Variants in PPP3CA observed in about 807,000 individuals in gnomAD.
PPP3CA encodes CAM-PRP catalytic subunit.
Under a neutral mutation model 66.5 loss-of-function variants are expected in PPP3CA, and 14 were observed. That is an observed-to-expected ratio of 0.21 (90% CI 0.14 to 0.33). The LOEUF is 0.33. Ranked by LOEUF, PPP3CA falls within the 10% of genes least tolerant of loss-of-function variation. The pLI, the probability that PPP3CA is intolerant of heterozygous loss-of-function variation, is 1.00. For missense variants in PPP3CA, 317 were observed against 639.5 expected (o/e 0.50, Z 5.44); for synonymous variants, 232 against 226.2 (o/e 1.03, Z -0.23).
chr4:101,324,123 A>AAAGAAAGGG (rs1729124727), intron 1 of PPP3CA, among the ~76,000 whole-genome samples: 1 of 137,536 alleles, frequency 7.3e-6, no homozygotes, highest in Admixed American at 7.0e-5. Flanking sequence ...AAAAGAAAAG[A>AAAGAAAGGG]AAGGAAGGGA....
intron 1 of PPP3CA, among the ~76,000 whole-genome samples, chr4:101,226,202 C>G (rs1725777348): frequency 6.6e-6 from 1 of 151,702 alleles, no homozygotes; most frequent in African/African-American, 2.4e-5. Context: ...ATTCAGGACT[C>G]CAGGCTTCTT....
chr4:101,283,989 T>C (rs1727761409), intron 1 of PPP3CA, among the ~76,000 whole-genome samples: 1 of 152,238 alleles, frequency 6.6e-6, no homozygotes, highest in Admixed American at 6.5e-5. Flanking sequence ...AGTCTTGTAG[T>C]TGAACTAGAC....
chr4:101,292,932 T>C (rs1728077855), intron 1 of PPP3CA, among the ~76,000 whole-genome samples: 1 of 152,252 alleles, frequency 6.6e-6, no homozygotes, highest in Non-Finnish European at 1.5e-5. Flanking sequence ...TTATTTTCTA[T>C]TTCCAAACCT....
At chr4:101,296,130 C>G (rs556344831) in intron 1 of PPP3CA, among the ~76,000 whole-genome samples, 1 of 152,162 alleles carries the variant, frequency 6.6e-6, no homozygotes, top group East Asian at 1.9e-4. Flanking sequence ...AAACATGTTC[C>G]TAAATGGTAG....
chr4:101,239,548 C>A (rs188088964), intron 1 of PPP3CA, among the ~76,000 whole-genome samples: 3 of 152,054 alleles, frequency 2.0e-5, no homozygotes, highest in African/African-American at 7.2e-5. Context: ...CAAGAAGAAT[C>A]CACACACACC....
At chr4:101,217,968 A>T (rs1310638158) in intron 1 of PPP3CA, among the ~76,000 whole-genome samples, 1 of 152,124 alleles carries the variant, frequency 6.6e-6, no homozygotes, top group Non-Finnish European at 1.5e-5. Flanking sequence ...CTCAAGGGAC[A>T]CATATCATAA....
At chr4:101,282,641 T>C (rs549787943) in intron 1 of PPP3CA, among the ~76,000 whole-genome samples, 38 of 152,204 alleles carry the variant, frequency 2.5e-4, no homozygotes, top group Middle Eastern at 3.4e-3. Flanking sequence ...CTATTGTCAA[T>C]AGATGTCCAA....
chr4:101,187,014 T>C (rs972505734), intron 2 of PPP3CA, among the ~76,000 whole-genome samples: 1 of 152,140 alleles, frequency 6.6e-6, no homozygotes, highest in African/African-American at 2.4e-5. Flanking sequence ...CTAACACCAC[T>C]GAATAGATAG....
intron 11 of PPP3CA, among the ~76,000 whole-genome samples, chr4:101,033,292 AAACACACACACACACACACACACACAC>A (rs1727088793): frequency 1.1e-5 from 1 of 88,102 alleles, no homozygotes; most frequent in African/African-American, 4.2e-5. Context: ...ACACACACAC[AAACACACACACACACACACACACACAC>A]ACACACACAC....
chr4:101,224,109 G>T (rs1364827674), intron 1 of PPP3CA, among the ~76,000 whole-genome samples: 3 of 151,624 alleles, frequency 2.0e-5, no homozygotes, highest in African/African-American at 7.3e-5. Flanking sequence ...ACTCATGTTG[G>T]GTGACCACAA....
intron 5 of PPP3CA, among the ~76,000 whole-genome samples, chr4:101,095,762 C>T (rs146107785): frequency 4.8e-4 from 73 of 152,304 alleles, no homozygotes; most frequent in African/African-American, 1.7e-3. Flanking sequence ...AGAAATTCTC[C>T]TGCCTCAGAC....
At chr4:101,312,288 A>G (rs76710954) in intron 1 of PPP3CA, among the ~76,000 whole-genome samples, 37 of 152,318 alleles carry the variant, frequency 2.4e-4, no homozygotes, top group African/African-American at 7.7e-4. Context: ...TCCTCTACTT[A>G]CAATGACATT....
intron 8 of PPP3CA, among the ~76,000 whole-genome samples, chr4:101,077,057 A>C (rs1385062502): frequency 1.3e-5 from 2 of 152,224 alleles, no homozygotes; most frequent in African/African-American, 4.8e-5. Context: ...ACAGGCAGGA[A>C]GACAGTGCAG....
intron 2 of PPP3CA, among the ~76,000 whole-genome samples, chr4:101,154,117 T>C (rs1190111957): frequency 2.0e-5 from 3 of 152,210 alleles, no homozygotes; most frequent in Non-Finnish European, 4.4e-5. Context: ...GTCATCCTTA[T>C]GAACACTGCT....
chr4:101,122,762 T>A (rs1165979123), intron 2 of PPP3CA, among the ~76,000 whole-genome samples: 1 of 152,140 alleles, frequency 6.6e-6, no homozygotes, highest in Non-Finnish European at 1.5e-5. Context: ...ATTATAAGGG[T>A]CTCAAATTCC....
chr4:101,222,029 A>G (rs1453497740), intron 1 of PPP3CA, among the ~76,000 whole-genome samples: 3 of 151,488 alleles, frequency 2.0e-5, no homozygotes, highest in African/African-American at 7.3e-5. Context: ...GATCTATTGA[A>G]TTTTTCTTAT....
rs114744765 is a variant in PPP3CA at position 101,060,109 on chromosome 4, A to T, written c.1156+978T>A. ...TGACTGTACTGCTTTTATTTTTGAG[A>T]TGGGATCTTGCTCTGTCACCCAGGC... On this transcript the variant is annotated intron_variant, in intron 10 of 13. Coordinates refer to ENST00000394854, the MANE Select transcript of PPP3CA (RefSeq NM_000944.5). 7.2e-3 allele frequency among the ~76,000 whole-genome samples: 1,097 copies of T among 152,014 alleles called. 14 individuals carry two copies. Among genetic ancestry groups the T allele is most frequent in the African/African-American group, 0.025 (1,048 of 41,448 alleles).
At position 101,024,397 on chromosome 4, in the gene PPP3CA, C is replaced by CTTTG. The variant is rs894223046; in HGVS notation, c.*1464_*1467dup. 3 of 152,610 alleles carry CTTTG rather than the reference C, an allele frequency of 2.0e-5. No homozygotes were observed. Among genetic ancestry groups the CTTTG allele is most frequent in the African/African-American group, 7.2e-5 (3 of 41,448 alleles). The allele number at this position is 152,610 out of a possible 1,614,324, so 9.5% of individuals were successfully genotyped here. On this transcript the variant is annotated 3_prime_UTR_variant, in exon 14 of 14. Coordinates refer to ENST00000394854, the MANE Select transcript of PPP3CA (RefSeq NM_000944.5). The stretch of plus-strand genomic sequence containing the variant: ...TCTTTTTCATTGTTACAAGTGCATG[C>CTTTG]TTTGATTGCCAACATGTCAGAAGTC...
At chr4:101,286,424 T>C (rs1233966879) in intron 1 of PPP3CA, among the ~76,000 whole-genome samples, 1 of 152,244 alleles carries the variant, frequency 6.6e-6, no homozygotes, top group Admixed American at 6.5e-5. Flanking sequence ...GCATATACTA[T>C]GGAAATGATT....
Sources: gnomAD v4.1 joint callset for allele counts (sites outside exome capture counted in the v4.1 genomes callset) on GRCh38, gnomAD v4.1.1 for gene constraint, MANE v1.5 for transcripts, NCBI Gene and HGNC (gene_info 2026-07-23, HGNC 2026-07-21) for gene names.